CCDC191: variants seen among roughly 807,000 people sequenced by gnomAD.
The protein encoded by CCDC191 is coiled-coil domain containing 191.
CCDC191 carries 99 observed loss-of-function variants against 114.0 expected under a neutral mutation model. The ratio of observed to expected loss-of-function variants is 0.87; its 90% CI spans 0.74 to 1.03. The LOEUF (loss-of-function observed/expected upper bound fraction) is 1.03, where lower values mean the gene tolerates loss of function less well. Among genes scored for constraint, CCDC191 ranks in the 50% least tolerant of loss-of-function variants. CCDC191 has a pLI of 0.00. For missense variants in CCDC191, 973 were observed against 1,087.0 expected (o/e 0.90, Z 1.47); for synonymous variants, 351 against 376.0 (o/e 0.93, Z 0.77).
intron 13 of CCDC191, among the ~76,000 whole-genome samples, chr3:113,989,324 C>T (rs1009159900): frequency 3.3e-5 from 5 of 152,180 alleles, no homozygotes; most frequent in Middle Eastern, 3.2e-3. Context: ...ATTTCTAGAG[C>T]AGACCAATGG....
intron 13 of CCDC191, among the ~76,000 whole-genome samples, chr3:113,996,987 A>G (rs766111251): frequency 3.3e-5 from 5 of 152,188 alleles, no homozygotes; most frequent in African/African-American, 4.8e-5. Context: ...ATGTATACCT[A>G]TGTAACAAAC....
At chr3:113,983,650 CG>C (rs2075252170) in intron 13 of CCDC191, among the ~76,000 whole-genome samples, 2 of 152,184 alleles carry the variant, frequency 1.3e-5, no homozygotes, top group African/African-American at 4.8e-5. Flanking sequence ...AGCTTTCAGA[CG>C]GCAGGGCTGT....
intron 8 of CCDC191, among the ~76,000 whole-genome samples, chr3:114,015,456 C>G (rs933914900): frequency 3.3e-5 from 5 of 152,134 alleles, no homozygotes; most frequent in Non-Finnish European, 7.3e-5. Context: ...TATTCACTTA[C>G]ATGAGTAAGT....
chr3:113,981,145 C>T (rs1393836016), intron 13 of CCDC191, among the ~76,000 whole-genome samples: 1 of 152,158 alleles, frequency 6.6e-6, no homozygotes, highest in Non-Finnish European at 1.5e-5. Flanking sequence ...CCCAGCCATA[C>T]AGCCACTTCA....
chr3:113,993,905 A>G (rs2075647688), intron 13 of CCDC191, among the ~76,000 whole-genome samples: 1 of 152,168 alleles, frequency 6.6e-6, no homozygotes, highest in Admixed American at 6.5e-5. Flanking sequence ...AGAAAAGAAA[A>G]AAAAATTAAC....
intron 6 of CCDC191, 141 bp from the exon 7 acceptor site, chr3:114,031,920 A>T (rs2076411648): frequency 1.8e-6 from 1 of 548,570 alleles, no homozygotes; most frequent in Non-Finnish European, 3.2e-6. Flanking sequence ...ACTACATAGT[A>T]GGGTAATTTT....
chr3:114,001,489 A>C, intron 13 of CCDC191, 106 bp downstream of exon 13: 6 of 1,412,252 alleles, frequency 4.2e-6, no homozygotes, highest in South Asian at 1.5e-5. Context: ...GGGTGAGAGA[A>C]GAGTATTCCA....
rs751895956 is a variant in CCDC191, at chr3:114,018,887, G to C, written c.973-19C>G. ...TTTGACACTGCAGCGGAAATATTAG[G>C]AAAATCACCACCCATCAGCGCTAGT... On this transcript the variant is annotated intron_variant, in intron 7 of 16. Transcript: ENST00000295878. 8.1e-6 allele frequency: 13 copies of C among 1,610,478 alleles called. No individual in the cohort carries two copies. The highest frequency in any genetic ancestry group is 1.3e-5 in the African/African-American group (1 of 74,780).
At chr3:114,003,084 A>C in intron 11 of CCDC191, 1 of 985,448 alleles carries the variant, frequency 1.0e-6, no homozygotes, top group Non-Finnish European at 1.2e-6. Flanking sequence ...ACAGATGGGC[A>C]GGAAATGGAA....
intron 9 of CCDC191, among the ~76,000 whole-genome samples, chr3:114,006,612 A>C (rs924460717): frequency 7.7e-5 from 10 of 129,094 alleles, no homozygotes; most frequent in South Asian, 6.9e-4. Flanking sequence ...ATATATATAT[A>C]TATATAAATA....
chr3:114,043,232 G>A (rs2076586780), intron 3 of CCDC191, among the ~76,000 whole-genome samples: 1 of 152,180 alleles, frequency 6.6e-6, no homozygotes, highest in African/African-American at 2.4e-5. Context: ...CAAATGCAGA[G>A]GTCCTGTGCA....
chr3:114,046,771 A>G, intron 2 of CCDC191, 39 bp from the exon 3 acceptor site: 2 of 1,550,154 alleles, frequency 1.3e-6, no homozygotes, highest in Non-Finnish European at 1.7e-6. Context: ...AAAGATGACA[A>G]CAAATTTGTT....
chr3:114,039,688 C>T (rs1238171733), intron 4 of CCDC191, among the ~76,000 whole-genome samples: 2 of 149,830 alleles, frequency 1.3e-5, no homozygotes, highest in Non-Finnish European at 3.0e-5. Context: ...TAGGCCTAGG[C>T]TAATGTGTGT....
chr3:114,005,496 G>A lies in CCDC191; in HGVS notation c.1868+12C>T, dbSNP rs75617310. The A allele has an allele frequency of 6.3e-7, 1 of 1,595,192 alleles. No individual in the cohort carries two copies. Among genetic ancestry groups the A allele is most frequent in the East Asian group, 2.2e-5 (1 of 44,708 alleles). ...AAAATGAGTCCAGCGAGTTCTGATA[G>A]AACAGACATACTTCACAAGCATCTG... is the stretch of plus-strand genomic sequence containing the variant. On this transcript the variant is annotated intron_variant, in intron 10 of 16. Transcript: ENST00000295878.
chr3:113,994,512 C>T lies in CCDC191; in HGVS notation c.2163+7083G>A, dbSNP rs184306514. Among the ~76,000 whole-genome samples, 94 of 151,948 alleles carry T rather than the reference C, an allele frequency of 6.2e-4. 1 individual carries two copies. Among genetic ancestry groups the T allele is most frequent in the African/African-American group, 2.1e-3 (89 of 41,430 alleles). The stretch of plus-strand genomic sequence containing the variant: ...ACCTATAAACTTAAACATTGACTTA[C>T]CACACTACCTAGCAATCACATTCCT... On this transcript the variant is annotated intron_variant, in intron 13 of 16. Coordinates refer to ENST00000295878, the MANE Select transcript of CCDC191 (RefSeq NM_020817.2).
chr3:114,031,628 G>A lies in CCDC191; in HGVS notation c.970C>T (p.Gln324Ter), dbSNP rs1487491534. The change falls in exon 7 of 17, where the codon CAG becomes TAG. Residue 324 changes from glutamine (Q) to a stop codon, truncating the protein, a stop_gained and splice_region_variant. Transcript: ENST00000295878. LOFTEE classifies it high-confidence loss of function. ...TAAAGAGACATTGCAATTCCCACCTGTTGATTTTCTTTGAAAGTTTGGATT... is the reference window on the plus strand; with the variant it reads ...TAAAGAGACATTGCAATTCCCACCTATTGATTTTCTTTGAAAGTTTGGATT... ...VLIQTFKENQQCQKRYFAAWH... is the reference protein window; with the variant it reads ...VLIQTFKENQ 1 of 1,608,346 alleles carries A rather than the reference G, an allele frequency of 6.2e-7. No individual in the cohort carries two copies. Among genetic ancestry groups the A allele is most frequent in the South Asian group, 1.1e-5 (1 of 90,806 alleles).
chr3:114,052,901 T>A (rs550717882), intron 2 of CCDC191, among the ~76,000 whole-genome samples: 1 of 151,928 alleles, frequency 6.6e-6, no homozygotes, highest in South Asian at 2.1e-4. Context: ...TTTTGAAACA[T>A]GTGGTACACG....
At chr3:113,985,741 G>A (rs2075330927) in intron 13 of CCDC191, among the ~76,000 whole-genome samples, 1 of 152,138 alleles carries the variant, frequency 6.6e-6, no homozygotes. Flanking sequence ...AAAGTCACTA[G>A]AAGACATTAA....
chr3:114,005,217 G>A (rs1436336269), intron 10 of CCDC191, among the ~76,000 whole-genome samples: 5 of 152,168 alleles, frequency 3.3e-5, no homozygotes, highest in African/African-American at 1.2e-4. Context: ...AACATAGCTA[G>A]AAACCCAGAA....
Sources: allele counts gnomAD v4.1 joint callset (sites outside exome capture counted in the v4.1 genomes callset), GRCh38; gene constraint gnomAD v4.1.1; transcripts MANE v1.5; gene names NCBI Gene and HGNC (gene_info 2026-07-23, HGNC 2026-07-21).